EPHB1: variants seen among roughly 807,000 people sequenced by gnomAD.
The protein encoded by EPHB1 is ephrin type-B receptor 1.
A neutral mutation model predicts 94.4 loss-of-function variants in EPHB1; 30 were observed. That is an observed-to-expected ratio of 0.32 (90% CI 0.24 to 0.43). EPHB1 has a LOEUF of 0.43. EPHB1 is among the 20% of genes least tolerant of loss of function. The pLI is 1.00. For missense variants in EPHB1, 1,055 were observed against 1,308.3 expected, an observed-to-expected ratio of 0.81 and a Z score of 2.99; for synonymous variants, 522 against 489.1, an observed-to-expected ratio of 1.07 and a Z score of -0.89.
intron 1 of EPHB1, among the ~76,000 whole-genome samples, chr3:134,852,773 G>T (rs1298818452): frequency 6.6e-6 from 1 of 152,160 alleles, no homozygotes; most frequent in East Asian, 1.9e-4. Flanking sequence ...GAATGACTAG[G>T]CCTGTCTTCA....
intron 7 of EPHB1, among the ~76,000 whole-genome samples, chr3:135,164,014 C>T (rs769703650): frequency 3.3e-5 from 5 of 152,254 alleles, no homozygotes; most frequent in Non-Finnish European, 7.4e-5. Context: ...CCACTATGGC[C>T]CTGGGCTGCT....
At chr3:135,160,688 C>T (rs1941481041) in intron 6 of EPHB1, among the ~76,000 whole-genome samples, 1 of 152,206 alleles carries the variant, frequency 6.6e-6, no homozygotes, top group South Asian at 2.1e-4. Context: ...AGATATGCTC[C>T]TGTGAAAATG....
chr3:134,974,131 C>T (rs1478160760), intron 3 of EPHB1, among the ~76,000 whole-genome samples: 1 of 152,190 alleles, frequency 6.6e-6, no homozygotes, highest in African/African-American at 2.4e-5. Flanking sequence ...TCTCTGACCA[C>T]ACCCTAGTTC....
chr3:134,820,650 T>C (rs571715907), intron 1 of EPHB1, among the ~76,000 whole-genome samples: 2 of 152,298 alleles, frequency 1.3e-5, no homozygotes, highest in South Asian at 4.2e-4. Flanking sequence ...TGTTTTATTT[T>C]ATTTTATTTT....
At chr3:135,163,149 C>T (rs6414335) in intron 7 of EPHB1, among the ~76,000 whole-genome samples, 116,326 of 152,130 alleles carry the variant, frequency 0.76, 44,751 homozygotes, top group East Asian at 1. Context: ...TTTGATAGGG[C>T]TTGAGATTTT....
In EPHB1 at chr3:134,967,702, A is replaced by G. The variant is rs536657102; in HGVS notation, c.805+15650A>G. Among the ~76,000 whole-genome samples the G allele has an allele frequency of 7.2e-5, 11 of 152,292 alleles. No homozygotes were observed. In the South Asian group the frequency reaches 2.3e-3, roughly 32 times the overall value. ...CAGCCTTCAGAACTGTAAGAAATAA[A>G]TTGCTTTTTCTTTATTAATTACCTA... is the stretch of plus-strand genomic sequence containing the variant. On this transcript the variant is annotated intron_variant, in intron 3 of 15. Transcript: ENST00000398015.
At position 135,076,261 on chromosome 3, in the gene EPHB1, A is replaced by AT. The variant is rs1553729687; in HGVS notation, c.806-30187_806-30186insT. Among the ~76,000 whole-genome samples the AT allele has an allele frequency of 1.9e-3, 218 of 112,574 alleles. 2 individuals carry two copies. Among genetic ancestry groups the AT allele is most frequent in the African/African-American group, 7.4e-3 (206 of 27,854 alleles). 73.9% of individuals were successfully genotyped at this position (112,574 alleles called of 152,430 possible). On this transcript the variant is annotated intron_variant, in intron 3 of 15. Transcript: ENST00000398015. Reference sequence around the variant, plus strand: ...TATATATATATATATATATATATATAACTCTTAAATGCATTAGTAAAAAGT... The same window carrying AT: ...TATATATATATATATATATATATATATACTCTTAAATGCATTAGTAAAAAGT...
rs1244970308 is a variant in EPHB1 at position 134,826,260 on chromosome 3, A to G, written c.58+30571A>G. Among the ~76,000 whole-genome samples the G allele has an allele frequency of 2.6e-5, 4 of 151,946 alleles. No homozygotes were observed. In the East Asian group the frequency reaches 5.8e-4, roughly 22 times the overall value. ...GAGTGAGACTCCATCTCAAAAAAAA[A>G]AAAAAAAGCAATTGAAAATGTTTTT... On this transcript the variant is annotated intron_variant, in intron 1 of 15. Transcript: ENST00000398015.
At chr3:135,163,570 C>G (rs1941570815) in intron 7 of EPHB1, among the ~76,000 whole-genome samples, 1 of 152,142 alleles carries the variant, frequency 6.6e-6, no homozygotes, top group Non-Finnish European at 1.5e-5. Context: ...AGGGCTCTGT[C>G]CTCCACTTTG....
chr3:134,916,825 T>G (rs1271445520), intron 1 of EPHB1, among the ~76,000 whole-genome samples: 1 of 152,176 alleles, frequency 6.6e-6, no homozygotes, highest in African/African-American at 2.4e-5. Flanking sequence ...AGCGGCAGGC[T>G]GAAGGGCTCC....
rs567428071 is a variant in EPHB1 at position 135,245,633 on chromosome 3, C to G, written c.2497-2683C>G. ...CCATCCTGGCCAACGTGCTGAAACCCTGTCTCTACTAAAAATACAAAAGTT... is the reference window on the plus strand; with the variant it reads ...CCATCCTGGCCAACGTGCTGAAACCGTGTCTCTACTAAAAATACAAAAGTT... On this transcript the variant is annotated intron_variant, in intron 13 of 15. Transcript: ENST00000398015. Among the ~76,000 whole-genome samples, 7 of 151,592 alleles carry G rather than the reference C, an allele frequency of 4.6e-5. No individual in the cohort carries two copies. The East Asian group carries it at 1.4e-3, about 30-fold the overall frequency.
At chr3:135,006,273 A>T (rs1200489951) in intron 3 of EPHB1, among the ~76,000 whole-genome samples, 1 of 152,242 alleles carries the variant, frequency 6.6e-6, no homozygotes, top group Non-Finnish European at 1.5e-5. Context: ...TATATGGGGA[A>T]GAAGAGGCAA....
In EPHB1 at chr3:134,908,531, G is replaced by A. The variant is rs531014913; in HGVS notation, c.59-17285G>A. Among the ~76,000 whole-genome samples the A allele has an allele frequency of 3.9e-5, 6 of 152,352 alleles. No individual in the cohort carries two copies. The East Asian group carries it at 1.2e-3, about 29-fold the overall frequency. ...TGTGAGTTCCCAAGTGAACCCACTG[G>A]CCCATTGTCTGGCCCAACTCTCCAC... On this transcript the variant is annotated intron_variant, in intron 1 of 15. Transcript: ENST00000398015.
intron 12 of EPHB1, among the ~76,000 whole-genome samples, chr3:135,239,414 C>T (rs1212824919): frequency 2.0e-5 from 3 of 152,070 alleles, no homozygotes; most frequent in Non-Finnish European, 4.4e-5. Context: ...TATCCTCTTT[C>T]AGTGGAGGCA....
chr3:135,089,903 C>G (rs899243984), intron 3 of EPHB1, among the ~76,000 whole-genome samples: 1 of 152,212 alleles, frequency 6.6e-6, no homozygotes. Context: ...AATGGCTTCC[C>G]TAAGTGTGCA....
intron 1 of EPHB1, among the ~76,000 whole-genome samples, chr3:134,897,225 G>A (rs1179107396): frequency 6.6e-6 from 1 of 152,164 alleles, no homozygotes; most frequent in Non-Finnish European, 1.5e-5. Context: ...TGGCCTGGGG[G>A]GCCTTGAATG....
chr3:135,197,973 G>A (rs1037118203), intron 11 of EPHB1, among the ~76,000 whole-genome samples: 2 of 152,110 alleles, frequency 1.3e-5, no homozygotes, highest in Non-Finnish European at 2.9e-5. Flanking sequence ...CCAAGGTTAC[G>A]AATTCAGCAG....
chr3:134,924,344 A>G (rs1457809498), intron 1 of EPHB1, among the ~76,000 whole-genome samples: 1 of 152,264 alleles, frequency 6.6e-6, no homozygotes, highest in African/African-American at 2.4e-5. Flanking sequence ...CAAAGCATAT[A>G]TCTGAAAAAG....
chr3:134,861,235 AAAG>A (rs2037250515), intron 1 of EPHB1, among the ~76,000 whole-genome samples: 4 of 152,226 alleles, frequency 2.6e-5, no homozygotes, highest in African/African-American at 9.6e-5. Flanking sequence ...TGTCAAGTAG[AAAG>A]AAGATAATGC....
Sources: gnomAD v4.1 joint callset for allele counts (sites outside exome capture counted in the v4.1 genomes callset) on GRCh38, gnomAD v4.1.1 for gene constraint, MANE v1.5 for transcripts, NCBI Gene and HGNC (gene_info 2026-07-23, HGNC 2026-07-21) for gene names.